Variants in ETV6 observed in about 807,000 individuals in gnomAD.
ETV6 encodes transcription factor ETV6.
A neutral mutation model predicts 51.1 loss-of-function variants in ETV6; 16 were observed. The ratio of observed to expected loss-of-function variants is 0.31; its 90% CI spans 0.21 to 0.48. The LOEUF is 0.48. ETV6 is among the 20% of genes least tolerant of loss of function. The pLI, the probability that ETV6 is intolerant of heterozygous loss-of-function variation, is 0.99. For synonymous variants in ETV6, 240 were observed against 224.1 expected (o/e 1.07, Z -0.64); for missense variants, 458 against 594.8 (o/e 0.77, Z 2.39).
At chr12:11,828,678 T>G (rs1946197318) in intron 2 of ETV6, among the ~76,000 whole-genome samples, 1 of 151,696 alleles carries the variant, frequency 6.6e-6, no homozygotes, top group East Asian at 1.9e-4. Context: ...TGAAGGGGGG[T>G]TTGTTTATGA....
chr12:11,782,605 C>CA (rs984511413), intron 2 of ETV6, among the ~76,000 whole-genome samples: 3 of 152,090 alleles, frequency 2.0e-5, no homozygotes, highest in African/African-American at 7.2e-5. Flanking sequence ...TGTGGAAAGA[C>CA]AGAGGGATTG....
intron 1 of ETV6, among the ~76,000 whole-genome samples, chr12:11,725,601 C>A (rs1406234623): frequency 6.6e-6 from 1 of 152,198 alleles, no homozygotes; most frequent in Non-Finnish European, 1.5e-5. Flanking sequence ...TTTCTCTCCC[C>A]AAACCTCATG....
chr12:11,683,203 C>G (rs1222423799), intron 1 of ETV6, among the ~76,000 whole-genome samples: 7 of 152,188 alleles, frequency 4.6e-5, no homozygotes, highest in African/African-American at 1.2e-4. Flanking sequence ...TCCACCATGC[C>G]TGGCTGATTT....
chr12:11,887,271 G>A (rs1281093033), intron 7 of ETV6, among the ~76,000 whole-genome samples: 4 of 152,148 alleles, frequency 2.6e-5, no homozygotes, highest in East Asian at 1.9e-4. Context: ...AACTGATCCC[G>A]ACACACAACT....
chr12:11,747,237 G>A (rs1486129554), intron 1 of ETV6, among the ~76,000 whole-genome samples: 1 of 152,108 alleles, frequency 6.6e-6, no homozygotes, highest in African/African-American at 2.4e-5. Context: ...TATGTATTCT[G>A]CAAGATGAAT....
At chr12:11,682,253 G>T (rs376915068) in intron 1 of ETV6, among the ~76,000 whole-genome samples, 1 of 152,038 alleles carries the variant, frequency 6.6e-6, no homozygotes, top group Non-Finnish European at 1.5e-5. Flanking sequence ...TTTAATGATC[G>T]CCATTCTAAC....
intron 1 of ETV6, among the ~76,000 whole-genome samples, chr12:11,678,630 C>G (rs1248196733): frequency 2.0e-5 from 3 of 152,056 alleles, no homozygotes; most frequent in Non-Finnish European, 4.4e-5. Flanking sequence ...AACAGAACCA[C>G]AAGGAGATAA....
chr12:11,773,896 C>T (rs939940657), intron 2 of ETV6, among the ~76,000 whole-genome samples: 3 of 152,214 alleles, frequency 2.0e-5, no homozygotes, highest in African/African-American at 7.2e-5. Context: ...TGGACCTGAA[C>T]ATTGGGGAAA....
At chr12:11,845,791 G>C (rs1170849114) in intron 3 of ETV6, among the ~76,000 whole-genome samples, 1 of 152,074 alleles carries the variant, frequency 6.6e-6, no homozygotes, top group Admixed American at 6.5e-5. Flanking sequence ...AGGAGATCAA[G>C]ACCATCCTGG....
chr12:11,773,141 C>G (rs1452369725), intron 2 of ETV6, among the ~76,000 whole-genome samples: 1 of 150,680 alleles, frequency 6.6e-6, no homozygotes, highest in Non-Finnish European at 1.5e-5. Context: ...TTGCCGTGAG[C>G]CGAGATTGCA....
intron 1 of ETV6, among the ~76,000 whole-genome samples, chr12:11,682,191 A>G (rs1273056017): frequency 6.6e-6 from 1 of 152,208 alleles, no homozygotes; most frequent in Non-Finnish European, 1.5e-5. Context: ...CAACAGTGTA[A>G]AAGCATTCCT....
intron 4 of ETV6, among the ~76,000 whole-genome samples, chr12:11,866,989 C>T (rs928509055): frequency 5.9e-5 from 9 of 152,178 alleles, no homozygotes; most frequent in African/African-American, 9.7e-5. Flanking sequence ...CTGTGCTGCA[C>T]GGACTGGGGA....
intron 1 of ETV6, among the ~76,000 whole-genome samples, chr12:11,720,275 C>CT (rs1469130669): frequency 3.9e-5 from 6 of 152,198 alleles, no homozygotes; most frequent in Non-Finnish European, 8.8e-5. Flanking sequence ...AAAGACACTT[C>CT]TGGATATAAG....
rs139537355 is a variant in ETV6, at chr12:11,778,695, T to TA, written c.163+26126dup. On this transcript the variant is annotated intron_variant, in intron 2 of 7. Coordinates refer to ENST00000396373, the MANE Select transcript of ETV6 (RefSeq NM_001987.5). ...CATAGAGCTCTTAGTTTTTCTTTCT[T>TA]AAAAAAAAAATCACTCTTCTTTCAA... 1.5e-3 allele frequency among the ~76,000 whole-genome samples: 225 copies of TA among 150,386 alleles called. 1 individual carries two copies. Among genetic ancestry groups the TA allele is most frequent in the African/African-American group, 4.1e-3 (170 of 40,994 alleles).
intron 1 of ETV6, among the ~76,000 whole-genome samples, chr12:11,749,288 TACACACACACACACACACACACACACAC>T (rs761925697): frequency 0.28 from 34,312 of 123,074 alleles, 4,901 homozygotes; most frequent in East Asian, 0.41. Flanking sequence ...ATCCCCCCCA[TACACACACACACACACACACACACACAC>T]ACACACACAC....
At chr12:11,671,786 T>C (rs12825857) in intron 1 of ETV6, among the ~76,000 whole-genome samples, 6,081 of 152,280 alleles carry the variant, frequency 0.04, 139 homozygotes, top group Admixed American at 0.063. Context: ...CCAGTGTATA[T>C]TGACTTTTGA....
chr12:11,769,436 T>TGAG (rs1945208538), intron 2 of ETV6, among the ~76,000 whole-genome samples: 1 of 151,676 alleles, frequency 6.6e-6, no homozygotes, highest in Non-Finnish European at 1.5e-5. Context: ...GGAGAAAATC[T>TGAG]GAGAAGAAAA....
chr12:11,826,288 A>C (rs1237658188), intron 2 of ETV6: 1 of 152,256 alleles, frequency 6.6e-6, no homozygotes, highest in African/African-American at 2.4e-5. Context: ...TGAGCCACTC[A>C]TGCTCTTCAC....
Position 11,884,512 on chromosome 12 carries a change from A to C in ETV6, c.1077A>C (p.Arg359=), listed in dbSNP as rs756670564. The C allele has an allele frequency of 6.2e-7, 1 of 1,614,198 alleles. No homozygotes were observed. Among genetic ancestry groups the C allele is most frequent in the East Asian group, 2.2e-5 (1 of 44,886 alleles). ...ACAGCCGGTACGAAAACTTCATCCG[A>C]TGGGAGGACAAAGAATCCAAAATAT... ...LSDSRYENFI[R]WEDKESKIFR... is the part of the protein sequence containing the mutation. Residue 359 remains arginine (R), a synonymous_variant, in exon 6 of 8, where the codon CGA becomes CGC. Transcript: ENST00000396373.
Sources: gnomAD v4.1 joint callset for allele counts (sites outside exome capture counted in the v4.1 genomes callset) on GRCh38, gnomAD v4.1.1 for gene constraint, MANE v1.5 for transcripts, NCBI Gene and HGNC (gene_info 2026-07-23, HGNC 2026-07-21) for gene names.